Variants in AGO2 observed in about 807,000 individuals in gnomAD.
AGO2 encodes argonaute RISC catalytic component 2.
AGO2 carries 5 observed loss-of-function variants against 102.3 expected under a neutral mutation model. The observed-to-expected ratio is 0.05, with a 90% CI of 0.03 to 0.10. The LOEUF (loss-of-function observed/expected upper bound fraction) is 0.10, where lower values mean the gene tolerates loss of function less well. Among genes scored for constraint, AGO2 ranks in the 10% least tolerant of loss-of-function variants. The pLI, the probability that AGO2 is intolerant of heterozygous loss-of-function variation, is 1.00. For synonymous variants in AGO2, 449 were observed against 473.1 expected (o/e 0.95, Z 0.66); for missense variants, 541 against 1,183.7 (o/e 0.46, Z 7.97).
chr8:140,639,107 GATCC>G (rs2074427120), upstream of AGO2, among the ~76,000 whole-genome samples: 1 of 152,134 alleles, frequency 6.6e-6, no homozygotes, highest in Non-Finnish European at 1.5e-5. Flanking sequence ...GGGCTCAAGT[GATCC>G]ACCAGCCTCA....
Position 140,531,961 on chromosome 8 carries a change from G to A in AGO2, c.*83C>T, listed in dbSNP as rs1003336374. On this transcript the variant is annotated 3_prime_UTR_variant, in exon 19 of 19. Transcript: ENST00000220592. ...TCTCATGTTCGATGCTGGCTGTCACGGAAGGGCTGGCCATCTGTTGGTCTG... is the reference window on the plus strand; with the variant it reads ...TCTCATGTTCGATGCTGGCTGTCACAGAAGGGCTGGCCATCTGTTGGTCTG... 3.0e-5 allele frequency: 36 copies of A among 1,195,304 alleles called. No homozygotes were observed. The highest frequency in any genetic ancestry group is 3.7e-5 in the Non-Finnish European group (30 of 809,976). The allele number at this position is 1,195,304 out of a possible 1,614,324, so 74.0% of individuals were successfully genotyped here. A position where few individuals can be genotyped will look rare whatever the true frequency, so the allele number is the denominator to read the frequency against.
intron 14 of AGO2, among the ~76,000 whole-genome samples, chr8:140,542,832 G>A (rs1389214678): frequency 6.6e-6 from 1 of 152,240 alleles, no homozygotes; most frequent in Non-Finnish European, 1.5e-5. Flanking sequence ...CCCATCAGAG[G>A]AAAGGGCTGA....
intron 1 of AGO2, among the ~76,000 whole-genome samples, chr8:140,598,531 G>A (rs886196872): frequency 1.3e-5 from 2 of 152,176 alleles, no homozygotes; most frequent in African/African-American, 2.4e-5. Context: ...ACAAGCCCAC[G>A]GTGCCGTAGG....
intron 6 of AGO2, 94 bp downstream of exon 6, chr8:140,559,291 TCCCCAAATGC>T: frequency 1.4e-6 from 2 of 1,438,396 alleles, no homozygotes; most frequent in South Asian, 2.6e-5. Context: ...CACCCCCACC[TCCCCAAATGC>T]GCACAAGAAC....
intron 1 of AGO2, among the ~76,000 whole-genome samples, chr8:140,596,383 A>G (rs1163192896): frequency 6.6e-6 from 1 of 152,200 alleles, no homozygotes; most frequent in Non-Finnish European, 1.5e-5. Flanking sequence ...CGGGAGTTCG[A>G]GACCAGCCTG....
intron 1 of AGO2, chr8:140,593,119 A>T (rs569231361): frequency 2.0e-4 from 30 of 152,360 alleles, no homozygotes; most frequent in African/African-American, 6.7e-4. Flanking sequence ...CACCCAAAAC[A>T]TACAAGAATC....
At chr8:140,550,499 G>A (rs2072976911) in intron 11 of AGO2, among the ~76,000 whole-genome samples, 1 of 152,210 alleles carries the variant, frequency 6.6e-6, no homozygotes, top group Non-Finnish European at 1.5e-5. Flanking sequence ...AGAGGGCCTG[G>A]TACTCACCTG....
In AGO2 at chr8:140,560,456, A is replaced by G; in HGVS notation, c.573T>C (p.Pro191=). The G allele has an allele frequency of 5.0e-6, 8 of 1,614,200 alleles. No individual in the cohort carries two copies. Among genetic ancestry groups the G allele is most frequent in the Non-Finnish European group, 5.9e-6 (7 of 1,180,030 alleles). The change falls in exon 5 of 19, where the codon CCT becomes CCC. Residue 191 remains proline (P), a synonymous_variant. Coordinates refer to ENST00000220592, the MANE Select transcript of AGO2 (RefSeq NM_012154.5). ...ACCACACTTCTCGGCCCCCGCCAAG[A>G]GGGTTAGAGCAGCCTTCGGACGCGG... is the stretch of plus-strand genomic sequence containing the variant. The part of the protein sequence containing the change: ...FFTASEGCSN[P]LGGGREVWFG...
chr8:140,524,979 C>G lies in AGO2; in HGVS notation c.*7065G>C, dbSNP rs999162623. The G allele has an allele frequency of 1.3e-5, 2 of 152,196 alleles. No homozygotes were observed. The highest frequency in any genetic ancestry group is 2.9e-5 in the Non-Finnish European group (2 of 68,036). The allele number at this position is 152,196 out of a possible 1,614,324, so 9.4% of individuals were successfully genotyped here. On this transcript the variant is annotated 3_prime_UTR_variant, in exon 19 of 19. Transcript: ENST00000220592. ...TTAATATTTGGTGTTTTAGCTTTAA[C>G]TCTGAACTACTTAAATCCAAGGAGG...
In AGO2 at chr8:140,527,771, G is replaced by A. The variant is rs1271901973; in HGVS notation, c.*4273C>T. The stretch of plus-strand genomic sequence containing the variant: ...GAGATGGGTCAGAGAGAGGTCACAG[G>A]AAAATGTCGTATGGCTTGTCTGGGC... On this transcript the variant is annotated 3_prime_UTR_variant, in exon 19 of 19. Coordinates refer to ENST00000220592, the MANE Select transcript of AGO2 (RefSeq NM_012154.5). This position sits in a 1 kb window ranked among gnomAD's most constrained non-coding sequence, Gnocchi z 6.0. 1 of 152,270 alleles carries A rather than the reference G, an allele frequency of 6.6e-6. No individual in the cohort carries two copies. The highest frequency in any genetic ancestry group is 2.4e-5 in the African/African-American group (1 of 41,464). 9.4% of individuals were successfully genotyped at this position (152,270 alleles called of 1,614,324 possible).
intron 1 of AGO2, among the ~76,000 whole-genome samples, chr8:140,621,755 T>C (rs567701878): frequency 2.0e-4 from 30 of 152,306 alleles, no homozygotes; most frequent in African/African-American, 7.2e-4. Context: ...AATGGTTTAG[T>C]ATGGTTCACT....
intron 1 of AGO2, among the ~76,000 whole-genome samples, chr8:140,622,216 T>C (rs2074226719): frequency 6.6e-6 from 1 of 152,064 alleles, no homozygotes; most frequent in Non-Finnish European, 1.5e-5. Flanking sequence ...GATGGGTAGT[T>C]CCCAGGGGCT....
intron 17 of AGO2, among the ~76,000 whole-genome samples, chr8:140,533,736 G>A (rs1331808170): frequency 6.6e-6 from 1 of 152,050 alleles, no homozygotes; most frequent in Non-Finnish European, 1.5e-5. Context: ...GAACCCGGGA[G>A]GCAGAGGCTG....
chr8:140,618,262 G>A (rs1361103802), intron 1 of AGO2, among the ~76,000 whole-genome samples: 1 of 151,948 alleles, frequency 6.6e-6, no homozygotes, highest in Non-Finnish European at 1.5e-5. Flanking sequence ...AGAGGTTGCA[G>A]TGAGCCGAGA....
At chr8:140,604,588 A>G (rs2073969982) in intron 1 of AGO2, among the ~76,000 whole-genome samples, 1 of 152,138 alleles carries the variant, frequency 6.6e-6, no homozygotes, top group Non-Finnish European at 1.5e-5. Context: ...GCACTTTGTG[A>G]GGCCGAGATG....
chr8:140,565,103 C>T (rs1212386418), intron 3 of AGO2, among the ~76,000 whole-genome samples: 1 of 150,426 alleles, frequency 6.6e-6, no homozygotes, highest in Non-Finnish European at 1.5e-5. Context: ...CATACTCCAG[C>T]TTGGGCGACA....
Position 140,547,619 on chromosome 8 carries a change from T to C in AGO2, c.1597A>G (p.Lys533Glu). The C allele has an allele frequency of 6.2e-7, 1 of 1,612,862 alleles. No individual in the cohort carries two copies. The highest frequency in any genetic ancestry group is 8.5e-7 in the Non-Finnish European group (1 of 1,179,436). Residue 533 changes from lysine to glutamate, a missense_variant, in exon 13 of 19, where the codon AAG becomes GAG. Lys to Glu is a moderately conservative substitution (Grantham distance 56). Around this residue, in one of 6 missense-constraint regions of AGO2, gnomAD observed 309 missense variants for 735.1 expected, o/e 0.42. Coordinates refer to ENST00000220592, the MANE Select transcript of AGO2 (RefSeq NM_012154.5). Reference protein sequence around the residue: ...PGKTPVYAEVKRVGDTVLGMA... With the variant: ...PGKTPVYAEVERVGDTVLGMA... ...CCCAGCACCGTGTCTCCCACGCGCT[T>C]GACCTCGGCTAAGGGACATGAGAGG...
intron 1 of AGO2, among the ~76,000 whole-genome samples, chr8:140,613,659 C>T (rs964384172): frequency 2.6e-5 from 4 of 152,054 alleles, no homozygotes; most frequent in African/African-American, 9.7e-5. Flanking sequence ...GCAGAATCGG[C>T]GACAAATGGA....
chr8:140,558,662 G>A, intron 6 of AGO2, 90 bp from the exon 7 acceptor site: 1 of 1,415,414 alleles, frequency 7.1e-7, no homozygotes, highest in South Asian at 1.2e-5. Flanking sequence ...ATAGGAATGT[G>A]GCTGGGGACC....
Sources: allele counts gnomAD v4.1 joint callset (sites outside exome capture counted in the v4.1 genomes callset), GRCh38; gene constraint gnomAD v4.1.1; regional missense constraint gnomAD v4.1.1; non-coding constraint Gnocchi (gnomAD v3.1); transcripts MANE v1.5; gene names NCBI Gene and HGNC (gene_info 2026-07-23, HGNC 2026-07-21).